The following NCALD variants were observed in gnomAD, a reference collection of about 807,000 sequenced individuals.
NCALD encodes the protein neurocalcin delta.
NCALD carries 10 observed loss-of-function variants against 18.6 expected under a neutral mutation model. That is an observed-to-expected ratio of 0.54 (90% CI 0.33 to 0.91). The LOEUF is 0.91. Among genes scored for constraint, NCALD ranks in the 40% least tolerant of loss-of-function variants. NCALD has a pLI of 0.03. For missense variants in NCALD, 184 were observed against 247.6 expected, an observed-to-expected ratio of 0.74 and a Z score of 1.72; for synonymous variants, 88 against 87.4, an observed-to-expected ratio of 1.01 and a Z score of -0.04.
intron 1 of NCALD, among the ~76,000 whole-genome samples, chr8:102,104,149 T>C (rs766786830): frequency 8.5e-5 from 13 of 152,242 alleles, no homozygotes; most frequent in Non-Finnish European, 1.6e-4. Flanking sequence ...TCCCTGATTA[T>C]ATACTTGGTT....
chr8:101,745,764 G>T (rs1286484557), intron 1 of NCALD: 3 of 152,174 alleles, frequency 2.0e-5, no homozygotes, highest in Non-Finnish European at 4.4e-5. Context: ...CTAGCAATAT[G>T]CTAAATGTTT....
At chr8:101,896,387 C>T (rs1817172425) in intron 3 of NCALD, among the ~76,000 whole-genome samples, 2 of 152,082 alleles carry the variant, frequency 1.3e-5, no homozygotes, top group Admixed American at 6.5e-5. Context: ...AAGATTTAAA[C>T]GTTAGACCTA....
chr8:101,977,610 A>G (rs1820470911), intron 2 of NCALD, among the ~76,000 whole-genome samples: 1 of 152,194 alleles, frequency 6.6e-6, no homozygotes, highest in African/African-American at 2.4e-5. Flanking sequence ...ACATCCCATT[A>G]AAGGCCACAC....
intron 2 of NCALD, among the ~76,000 whole-genome samples, chr8:102,015,765 G>A (rs559646441): frequency 1.3e-5 from 2 of 152,242 alleles, no homozygotes; most frequent in South Asian, 4.2e-4. Flanking sequence ...GGGCATAGTA[G>A]GAAGAGGCAG....
intron 4 of NCALD, among the ~76,000 whole-genome samples, chr8:101,861,644 T>A (rs1385544838): frequency 6.6e-6 from 1 of 152,012 alleles, no homozygotes; most frequent in Non-Finnish European, 1.5e-5. Context: ...AGAACAAATA[T>A]ATCCAATGGT....
intron 2 of NCALD, among the ~76,000 whole-genome samples, chr8:101,957,245 G>T (rs969852767): frequency 1.6e-5 from 2 of 124,888 alleles, no homozygotes; most frequent in Middle Eastern, 4.0e-3. Context: ...AAGGAAAAAA[G>T]AAAATAATTA....
chr8:102,042,836 G>C, intron 1 of NCALD, among the ~76,000 whole-genome samples: 1 of 151,778 alleles, frequency 6.6e-6, no homozygotes, highest in Non-Finnish European at 1.5e-5. Context: ...GGTAGTTTCT[G>C]AAAAATCCAC....
intron 4 of NCALD, among the ~76,000 whole-genome samples, chr8:101,802,513 T>C (rs1173027765): frequency 1.3e-5 from 2 of 151,952 alleles, no homozygotes; most frequent in East Asian, 3.9e-4. Context: ...AACAGCCAAC[T>C]ATACTGCAAA....
chr8:101,820,289 A>T (rs1394270076), intron 4 of NCALD, among the ~76,000 whole-genome samples: 1 of 152,210 alleles, frequency 6.6e-6, no homozygotes, highest in Non-Finnish European at 1.5e-5. Context: ...TATTTTGTTC[A>T]CTATGTGTGT....
intron 1 of NCALD, among the ~76,000 whole-genome samples, chr8:101,772,943 A>AC (rs1320188511): frequency 2.0e-5 from 3 of 152,158 alleles, no homozygotes; most frequent in African/African-American, 7.2e-5. Context: ...GTAGGAGTAG[A>AC]CCCTAGTATA....
At chr8:101,769,570 C>T (rs1471653347) in intron 1 of NCALD, among the ~76,000 whole-genome samples, 2 of 152,090 alleles carry the variant, frequency 1.3e-5, no homozygotes, top group East Asian at 3.9e-4. Context: ...AAAACTAAAA[C>T]CAGCAGGCAT....
intron 2 of NCALD, among the ~76,000 whole-genome samples, chr8:101,928,082 A>G (rs1818403760): frequency 6.6e-6 from 1 of 152,204 alleles, no homozygotes; most frequent in South Asian, 2.1e-4. Flanking sequence ...CTGAAAAATG[A>G]TCCTGCAAAA....
chr8:101,755,251 G>C lies in NCALD; in HGVS notation c.-19-35603C>G, dbSNP rs141278375. Among the ~76,000 whole-genome samples, 213 of 152,276 alleles carry C rather than the reference G, an allele frequency of 1.4e-3. 1 individual carries two copies. Among genetic ancestry groups the C allele is most frequent in the African/African-American group, 3.9e-3 (163 of 41,558 alleles). Reference sequence around the variant, plus strand: ...TACAAATGACTCTAACTCCTGGTTTGCCCTCAACAGTCCCAGTTGATACCG... The same window carrying C: ...TACAAATGACTCTAACTCCTGGTTTCCCCTCAACAGTCCCAGTTGATACCG... On this transcript the variant is annotated intron_variant, in intron 1 of 3. Coordinates refer to ENST00000220931, the MANE Select transcript of NCALD (RefSeq NM_032041.3).
intron 2 of NCALD, among the ~76,000 whole-genome samples, chr8:102,012,610 T>A (rs1393787668): frequency 6.6e-6 from 1 of 152,226 alleles, no homozygotes; most frequent in Non-Finnish European, 1.5e-5. Flanking sequence ...CTGCATTTGC[T>A]TGTTTGTTTG....
intron 2 of NCALD, among the ~76,000 whole-genome samples, chr8:101,942,165 T>C (rs1818983174): frequency 6.6e-6 from 1 of 152,200 alleles, no homozygotes; most frequent in Non-Finnish European, 1.5e-5. Flanking sequence ...TGACACCCAT[T>C]CTCGGAACTA....
intron 1 of NCALD, among the ~76,000 whole-genome samples, chr8:101,753,795 A>G (rs1350063972): frequency 1.3e-5 from 2 of 152,184 alleles, no homozygotes; most frequent in African/African-American, 4.8e-5. Context: ...TGAGTCAACC[A>G]AGAACTGAGA....
chr8:101,942,271 C>G (rs750748916), intron 2 of NCALD, among the ~76,000 whole-genome samples: 2 of 152,150 alleles, frequency 1.3e-5, no homozygotes, highest in Non-Finnish European at 2.9e-5. Flanking sequence ...GCTGGCCTCT[C>G]GCTGCACCAA....
chr8:101,710,252 A>G (rs77430996), intron 2 of NCALD, among the ~76,000 whole-genome samples: 3,936 of 152,246 alleles, frequency 0.026, 134 homozygotes, highest in African/African-American at 0.078. Context: ...ATGCTTTTTC[A>G]TGGTCTTCAC....
At chr8:101,789,979 T>A (rs955231687) in intron 1 of NCALD, among the ~76,000 whole-genome samples, 1 of 152,226 alleles carries the variant, frequency 6.6e-6, no homozygotes, top group African/African-American at 2.4e-5. Flanking sequence ...TCATTTAAGA[T>A]CCAGAGCAAA....
Sources: gnomAD v4.1 joint callset for allele counts (sites outside exome capture counted in the v4.1 genomes callset) on GRCh38, gnomAD v4.1.1 for gene constraint, MANE v1.5 for transcripts, NCBI Gene and HGNC (gene_info 2026-07-23, HGNC 2026-07-21) for gene names.